KCNJ6: variants seen among roughly 807,000 people sequenced by gnomAD.
KCNJ6 encodes potassium inwardly rectifying channel subfamily J member 6.
A neutral mutation model predicts 34.2 loss-of-function variants in KCNJ6; 9 were observed. The observed-to-expected ratio is 0.26, with a 90% CI of 0.16 to 0.46. The LOEUF is 0.46. Ranked by LOEUF, KCNJ6 falls within the 20% of genes least tolerant of loss-of-function variation. The pLI is 1.00. For synonymous variants in KCNJ6, 196 were observed against 207.1 expected (o/e 0.95, Z 0.46); for missense variants, 236 against 531.3 (o/e 0.44, Z 5.46).
At chr21:37,663,549 G>A (rs908660464) in intron 3 of KCNJ6, among the ~76,000 whole-genome samples, 2 of 151,970 alleles carry the variant, frequency 1.3e-5, no homozygotes, top group African/African-American at 4.8e-5. Flanking sequence ...AAAATAATAG[G>A]AAGGGATATA....
chr21:37,900,204 C>A (rs778347706), intron 1 of KCNJ6, among the ~76,000 whole-genome samples: 1 of 152,140 alleles, frequency 6.6e-6, no homozygotes, highest in Non-Finnish European at 1.5e-5. Context: ...AAAAGGCATT[C>A]TGATATAGTG....
intron 2 of KCNJ6, among the ~76,000 whole-genome samples, chr21:37,752,828 G>C (rs1479854713): frequency 6.6e-6 from 1 of 152,218 alleles, no homozygotes; most frequent in Non-Finnish European, 1.5e-5. Context: ...AGGAAGACCT[G>C]TGACTGTAGG....
intron 3 of KCNJ6, among the ~76,000 whole-genome samples, chr21:37,701,326 G>T (rs890327317): frequency 6.6e-6 from 1 of 152,188 alleles, no homozygotes; most frequent in Admixed American, 6.5e-5. Context: ...GGTTGGAACT[G>T]GTTGCCTGGA....
At chr21:37,901,709 A>T (rs2055817660) in intron 1 of KCNJ6, among the ~76,000 whole-genome samples, 2 of 152,226 alleles carry the variant, frequency 1.3e-5, no homozygotes, top group South Asian at 4.1e-4. Flanking sequence ...GCTGTGCTGG[A>T]CACAGTTCAG....
chr21:37,624,976 A>C lies in KCNJ6; in HGVS notation c.*183T>G. ...TCATCAAATCCATGTCTACCTTGTC[A>C]ATCTGAATAACTGAGAGAGGGCAGG... is the stretch of plus-strand genomic sequence containing the variant. On this transcript the variant is annotated 3_prime_UTR_variant, in exon 4 of 4. Coordinates refer to ENST00000609713, the MANE Select transcript of KCNJ6 (RefSeq NM_002240.5). 3.3e-6 allele frequency: 2 copies of C among 602,628 alleles called. No homozygotes were observed. The highest frequency in any genetic ancestry group is 1.8e-5 in the African/African-American group (1 of 54,062). The allele number at this position is 602,628 out of a possible 1,614,324, so 37.3% of individuals were successfully genotyped here. A position where few individuals can be genotyped will look rare whatever the true frequency, so the allele number is the denominator to read the frequency against.
chr21:37,897,334 G>C (rs768974429), intron 1 of KCNJ6, among the ~76,000 whole-genome samples: 9 of 152,188 alleles, frequency 5.9e-5, no homozygotes, highest in Non-Finnish European at 1.2e-4. Context: ...TGGAAGGTGT[G>C]TGCACAGTGA....
chr21:37,667,539 G>C (rs1186600103), intron 3 of KCNJ6, among the ~76,000 whole-genome samples: 1 of 151,610 alleles, frequency 6.6e-6, no homozygotes, highest in Admixed American at 6.6e-5. Context: ...AGCGGGGTCC[G>C]GGGTAGCGGG....
At chr21:37,846,832 G>A (rs1022525405) in intron 1 of KCNJ6, among the ~76,000 whole-genome samples, 2 of 152,012 alleles carry the variant, frequency 1.3e-5, no homozygotes, top group African/African-American at 2.4e-5. Context: ...CAAATCTCCC[G>A]CCCTGTTCTT....
At chr21:37,642,008 T>C (rs2054383089) in intron 3 of KCNJ6, among the ~76,000 whole-genome samples, 1 of 152,124 alleles carries the variant, frequency 6.6e-6, no homozygotes. Flanking sequence ...ACAGGACGGA[T>C]GGATGGTGGT....
Position 37,714,198 on chromosome 21 carries a change from G to C in KCNJ6, c.946+13C>G, listed in dbSNP as rs1319785724. On this transcript the variant is annotated intron_variant, in intron 3 of 3. Transcript: ENST00000609713. The surrounding 1 kb of genome is among the most constrained non-coding windows in gnomAD (Gnocchi z 5.9). ...TCTATCCCACAGCCATCCCAGGATAGAACACATCTTACCTGTGGCTTCCAC... is the reference window on the plus strand; with the variant it reads ...TCTATCCCACAGCCATCCCAGGATACAACACATCTTACCTGTGGCTTCCAC... 2.5e-6 allele frequency: 4 copies of C among 1,594,602 alleles called. No homozygotes were observed. The highest frequency in any genetic ancestry group is 3.4e-6 in the Non-Finnish European group (4 of 1,164,192).
At chr21:37,766,252 G>A (rs1349691682) in intron 2 of KCNJ6, among the ~76,000 whole-genome samples, 1 of 152,152 alleles carries the variant, frequency 6.6e-6, no homozygotes, top group African/African-American at 2.4e-5. Flanking sequence ...TGCCTGTCCT[G>A]TCATGTGATT....
chr21:37,642,464 C>T (rs2054385234), intron 3 of KCNJ6, among the ~76,000 whole-genome samples: 1 of 152,106 alleles, frequency 6.6e-6, no homozygotes, highest in Non-Finnish European at 1.5e-5. Flanking sequence ...CTGCCGCAAA[C>T]TGAACAATAT....
At chr21:37,649,231 A>G (rs2054421079) in intron 3 of KCNJ6, among the ~76,000 whole-genome samples, 1 of 151,824 alleles carries the variant, frequency 6.6e-6, no homozygotes, top group South Asian at 2.1e-4. Context: ...CATTTCCTCA[A>G]GCTAACCATG....
intron 2 of KCNJ6, among the ~76,000 whole-genome samples, chr21:37,724,320 T>C (rs2054842705): frequency 6.8e-6 from 1 of 147,630 alleles, no homozygotes. Flanking sequence ...TGTTGCATAT[T>C]AAAAAAAAAA....
intron 2 of KCNJ6, among the ~76,000 whole-genome samples, chr21:37,823,681 C>A (rs921406312): frequency 1.3e-5 from 2 of 152,180 alleles, no homozygotes; most frequent in African/African-American, 2.4e-5. Flanking sequence ...TTCTTGGGGC[C>A]TCCCCAGCCA....
chr21:37,639,952 C>G (rs1201314131), intron 3 of KCNJ6, among the ~76,000 whole-genome samples: 1 of 152,226 alleles, frequency 6.6e-6, no homozygotes, highest in Non-Finnish European at 1.5e-5. Flanking sequence ...GAATCTGATG[C>G]TATCATGCTT....
Position 37,906,524 on chromosome 21 carries a change from G to T in KCNJ6, c.-28+9360C>A, listed in dbSNP as rs372609108. Among the ~76,000 whole-genome samples, 253 of 152,304 alleles carry T rather than the reference G, an allele frequency of 1.7e-3. 8 individuals are homozygous for T. The South Asian group carries it at 0.051, about 31-fold the overall frequency. On this transcript the variant is annotated intron_variant, in intron 1 of 3. Coordinates refer to ENST00000609713, the MANE Select transcript of KCNJ6 (RefSeq NM_002240.5). Reference sequence around the variant, plus strand: ...GGCAGATGATTGGCCCTGTCCTCAGGGTTCCTGATCCAGTAGATCGGGGGG... The same window carrying T: ...GGCAGATGATTGGCCCTGTCCTCAGTGTTCCTGATCCAGTAGATCGGGGGG...
intron 2 of KCNJ6, among the ~76,000 whole-genome samples, chr21:37,771,763 A>G (rs1260433801): frequency 6.6e-6 from 1 of 152,214 alleles, no homozygotes; most frequent in African/African-American, 2.4e-5. Flanking sequence ...GTAGTTTTAT[A>G]TGTATTACTT....
chr21:37,781,033 A>G (rs1000416931), intron 2 of KCNJ6, among the ~76,000 whole-genome samples: 1 of 152,226 alleles, frequency 6.6e-6, no homozygotes, highest in Admixed American at 6.5e-5. Flanking sequence ...GGAAAAGACA[A>G]GTTGGGACTG....
Sources: allele counts gnomAD v4.1 joint callset (sites outside exome capture counted in the v4.1 genomes callset), GRCh38; gene constraint gnomAD v4.1.1; non-coding constraint Gnocchi (gnomAD v3.1); transcripts MANE v1.5; gene names NCBI Gene and HGNC (gene_info 2026-07-23, HGNC 2026-07-21).